The following SPATA17 variants were observed in gnomAD, a reference collection of about 807,000 sequenced individuals.
SPATA17 encodes the protein spermatogenesis associated 17.
A neutral mutation model predicts 62.2 loss-of-function variants in SPATA17; 53 were observed. The observed-to-expected ratio is 0.85, with a 90% CI of 0.68 to 1.07. The LOEUF (loss-of-function observed/expected upper bound fraction) is 1.07. SPATA17 is among the 50% of genes least tolerant of loss of function. The pLI, the probability that SPATA17 is intolerant of heterozygous loss-of-function variation, is 0.00. For missense variants in SPATA17, 466 were observed against 425.5 expected (o/e 1.10, Z -0.84); for synonymous variants, 146 against 146.8 (o/e 0.99, Z 0.04).
At chr1:217,852,668 G>T (rs1333845963) in intron 9 of SPATA17, among the ~76,000 whole-genome samples, 2 of 152,136 alleles carry the variant, frequency 1.3e-5, no homozygotes, top group Non-Finnish European at 2.9e-5. Context: ...TCAGATGTTG[G>T]AAAACTTTCC....
chr1:217,665,781 A>T (rs1401916386), intron 3 of SPATA17, among the ~76,000 whole-genome samples: 1 of 152,226 alleles, frequency 6.6e-6, no homozygotes, highest in African/African-American at 2.4e-5. Flanking sequence ...TAAAAGATCC[A>T]TATGGATATC....
chr1:217,764,975 G>C (rs1222210304), intron 6 of SPATA17, among the ~76,000 whole-genome samples: 1 of 151,944 alleles, frequency 6.6e-6, no homozygotes, highest in Non-Finnish European at 1.5e-5. Context: ...GATCTTAGAG[G>C]GATAAAGATT....
Position 217,639,795 on chromosome 1 carries a change from C to T in SPATA17, c.68+8349C>T, listed in dbSNP as rs1287058415. ...CACATAATAGAGGTTCTTTTTCCAG[C>T]TTCTAATATCAATTTTTTCACCACT... is the stretch of plus-strand genomic sequence containing the variant. On this transcript the variant is annotated intron_variant, in intron 1 of 10. Coordinates refer to ENST00000366933, the MANE Select transcript of SPATA17 (RefSeq NM_138796.4). 2.0e-5 allele frequency among the ~76,000 whole-genome samples: 3 copies of T among 151,940 alleles called. 1 individual carries two copies. Among genetic ancestry groups the T allele is most frequent in the Non-Finnish European group, 4.4e-5 (3 of 67,950 alleles).
Position 217,816,175 on chromosome 1 carries a change from TGA to T in SPATA17, c.1005+14327_1005+14328del, listed in dbSNP as rs1558062623. On this transcript the variant is annotated intron_variant, in intron 9 of 10. Coordinates refer to ENST00000366933, the MANE Select transcript of SPATA17 (RefSeq NM_138796.4). ...TAGGGGGAATTGACTTTTAATATAC[TGA>T]GTCTTAGCATTCAAGAACATGCTTT... Among the ~76,000 whole-genome samples, 12 of 151,990 alleles carry T rather than the reference TGA, an allele frequency of 7.9e-5. No individual in the cohort carries two copies. In the South Asian group the frequency reaches 2.5e-3, roughly 32 times the overall value.
chr1:217,648,952 C>G lies in SPATA17; in HGVS notation c.139C>G (p.Gln47Glu), dbSNP rs146482356. ...VKIQSWFRGC[Q>E]VRAYIRHLNR... Reference sequence around the variant, plus strand: ...AATCCAAAGCTGGTTTCGAGGATGTCAAGTTCGGGCATATATCAGGTATAT... The same window carrying G: ...AATCCAAAGCTGGTTTCGAGGATGTGAAGTTCGGGCATATATCAGGTATAT... Residue 47 changes from glutamine (Q) to glutamate (E), a missense_variant, in exon 2 of 11, where the codon CAA becomes GAA. Gln to Glu is a conservative substitution (Grantham distance 29). Coordinates refer to ENST00000366933, the MANE Select transcript of SPATA17 (RefSeq NM_138796.4). 1.9e-5 allele frequency: 30 copies of G among 1,609,464 alleles called. No homozygotes were observed. Among genetic ancestry groups the G allele is most frequent in the Non-Finnish European group, 2.5e-5 (29 of 1,178,062 alleles).
chr1:217,720,489 G>T (rs539850869), intron 5 of SPATA17, among the ~76,000 whole-genome samples: 1 of 151,944 alleles, frequency 6.6e-6, no homozygotes, highest in Admixed American at 6.6e-5. Flanking sequence ...GACTGTAGCT[G>T]CAACAGTCAT....
At chr1:217,662,802 C>T (rs1670598917) in intron 3 of SPATA17, among the ~76,000 whole-genome samples, 1 of 152,120 alleles carries the variant, frequency 6.6e-6, no homozygotes, top group African/African-American at 2.4e-5. Context: ...TAGATGAACA[C>T]ATGTTTATTT....
At chr1:217,651,819 C>T (rs959548248) in intron 3 of SPATA17, among the ~76,000 whole-genome samples, 1 of 152,102 alleles carries the variant, frequency 6.6e-6, no homozygotes, top group African/African-American at 2.4e-5. Context: ...TATTAAACAC[C>T]TGCTATATAC....
Position 217,683,300 on chromosome 1 carries a change from TTTAA to T in SPATA17, c.338_341del (p.Asn113IlefsTer4), listed in dbSNP as rs748168217. On this transcript the variant is annotated frameshift_variant, in exon 5 of 11. Coordinates refer to ENST00000366933, the MANE Select transcript of SPATA17 (RefSeq NM_138796.4). LOFTEE classifies it high-confidence loss of function. ...AGGCTATAGGGTTCGGAAGTACCTC[TTTAA>T]TTATTATTATTTGAAAGAGTACCTG... The T allele has an allele frequency of 1.9e-6, 3 of 1,610,558 alleles. No individual in the cohort carries two copies. The highest frequency in any genetic ancestry group is 1.6e-4 in the Middle Eastern group (1 of 6,068).
At chr1:217,683,804 A>G (rs1671156637) in intron 5 of SPATA17, among the ~76,000 whole-genome samples, 1 of 151,826 alleles carries the variant, frequency 6.6e-6, no homozygotes, top group Admixed American at 6.6e-5. Context: ...TATATATATG[A>G]TTCTATTTAC....
At chr1:217,752,760 C>T (rs1003754985) in intron 6 of SPATA17, among the ~76,000 whole-genome samples, 1 of 152,090 alleles carries the variant, frequency 6.6e-6, no homozygotes, top group African/African-American at 2.4e-5. Context: ...CATTTTAAAC[C>T]TCGCTTCTCC....
intron 4 of SPATA17, among the ~76,000 whole-genome samples, chr1:217,675,526 A>G (rs999123241): frequency 6.6e-6 from 1 of 152,164 alleles, no homozygotes; most frequent in Admixed American, 6.5e-5. Flanking sequence ...GTGGCTGCTA[A>G]TTTTTGAAAA....
intron 9 of SPATA17, among the ~76,000 whole-genome samples, chr1:217,848,909 G>A (rs1675586049): frequency 6.6e-6 from 1 of 151,958 alleles, no homozygotes; most frequent in African/African-American, 2.4e-5. Context: ...CTTTCTAGGA[G>A]AGTTCTTTGG....
At chr1:217,782,557 G>A (rs1673755515) in intron 8 of SPATA17, among the ~76,000 whole-genome samples, 3 of 151,988 alleles carry the variant, frequency 2.0e-5, no homozygotes, top group Admixed American at 2.0e-4. Flanking sequence ...GCATTTTGAG[G>A]ATAAATGATC....
chr1:217,776,898 G>C (rs1673608795), intron 7 of SPATA17, among the ~76,000 whole-genome samples: 1 of 152,082 alleles, frequency 6.6e-6, no homozygotes, highest in African/African-American at 2.4e-5. Flanking sequence ...CCTAGGGAGA[G>C]AGAGAGACAG....
intron 7 of SPATA17, chr1:217,781,247 C>T (rs1344220763): frequency 6.6e-6 from 1 of 152,142 alleles, no homozygotes; most frequent in African/African-American, 2.4e-5. Flanking sequence ...TCACTCAGTG[C>T]TTGCAGTAAC....
chr1:217,769,250 G>C (rs1321170150), intron 6 of SPATA17, among the ~76,000 whole-genome samples: 2 of 152,132 alleles, frequency 1.3e-5, no homozygotes, highest in African/African-American at 4.8e-5. Flanking sequence ...AAATACATGA[G>C]GAAAAACGAA....
intron 5 of SPATA17, among the ~76,000 whole-genome samples, chr1:217,694,484 C>A (rs1449340879): frequency 7.2e-6 from 1 of 138,338 alleles, no homozygotes; most frequent in Non-Finnish European, 1.6e-5. Context: ...AGAATTTAGT[C>A]CATTTACATT....
At chr1:217,654,336 C>T (rs1298247750) in intron 3 of SPATA17, among the ~76,000 whole-genome samples, 2 of 151,956 alleles carry the variant, frequency 1.3e-5, no homozygotes, top group African/African-American at 2.4e-5. Context: ...GACAGGGTTT[C>T]TCCCTGTTGG....
Sources: gnomAD v4.1 joint callset for allele counts (sites outside exome capture counted in the v4.1 genomes callset) on GRCh38, gnomAD v4.1.1 for gene constraint, MANE v1.5 for transcripts, NCBI Gene and HGNC (gene_info 2026-07-23, HGNC 2026-07-21) for gene names.